CYSLTR1: variants seen among roughly 807,000 people sequenced by gnomAD.
The protein encoded by CYSLTR1 is G-protein coupled receptor HG55.
CYSLTR1 carries 1 observed loss-of-function variant against 2.1 expected under a neutral mutation model. The observed-to-expected ratio is 0.48, with a 90% CI of 0.17 to 2.28. The LOEUF (loss-of-function observed/expected upper bound fraction) is 2.28, where lower values mean the gene tolerates loss of function less well. Ranked by LOEUF, CYSLTR1 falls within the 30% of genes most tolerant of loss-of-function variation. The pLI, the probability that CYSLTR1 is intolerant of heterozygous loss-of-function variation, is 0.26. For synonymous variants in CYSLTR1, 110 were observed against 89.6 expected, an observed-to-expected ratio of 1.23 and a Z score of -1.28; for missense variants, 299 against 250.1, an observed-to-expected ratio of 1.20 and a Z score of -1.32.
chrX:78,294,311 A>G (rs1922483034), intron 1 of CYSLTR1, among the ~76,000 whole-genome samples: 1 of 112,610 alleles, frequency 8.9e-6, no homozygotes, highest in Non-Finnish European at 1.9e-5. Context: ...CAAATATTGC[A>G]GAACAGCAAA....
chrX:78,306,597 A>C (rs1444372276), intron 1 of CYSLTR1, among the ~76,000 whole-genome samples: 1 of 111,975 alleles, frequency 8.9e-6, no homozygotes, highest in African/African-American at 3.2e-5. Flanking sequence ...TTAATTTTCT[A>C]ATGAAGCAAA....
chrX:78,308,777 T>C (rs1923120089), intron 1 of CYSLTR1, among the ~76,000 whole-genome samples: 1 of 111,906 alleles, frequency 8.9e-6, no homozygotes, highest in Non-Finnish European at 1.9e-5. Flanking sequence ...GGAGCAGGTT[T>C]CACTCATCTT....
At chrX:78,313,943 T>A (rs1301418988) in intron 1 of CYSLTR1, among the ~76,000 whole-genome samples, 1 of 111,620 alleles carries the variant, frequency 9.0e-6, no homozygotes, top group Non-Finnish European at 1.9e-5. Flanking sequence ...TTTTGCATTA[T>A]GGTAGAAAAG....
chrX:78,277,742 A>G (rs1011162007), intron 2 of CYSLTR1, among the ~76,000 whole-genome samples: 9 of 111,841 alleles, frequency 8.0e-5, no homozygotes, highest in African/African-American at 2.6e-4. Context: ...CCTCAAGGGC[A>G]TCAAATAATA....
At chrX:78,283,239 T>G (rs1252367669) in intron 2 of CYSLTR1, among the ~76,000 whole-genome samples, 1 of 112,236 alleles carries the variant, frequency 8.9e-6, no homozygotes, top group Non-Finnish European at 1.9e-5. Context: ...CAGCTCATTT[T>G]CTAGTGGGGG....
rs959802500 is a variant in CYSLTR1, at chrX:78,277,946, T to C, written c.-27-4173A>G. On this transcript the variant is annotated intron_variant, in intron 2 of 2. Coordinates refer to ENST00000373304, the MANE Select transcript of CYSLTR1 (RefSeq NM_006639.4). ...ATTGAAATAGTTGAAATGACAGACA[T>C]AGAATTCAAAAATCTGTATGGCAAC... 1.4e-4 allele frequency among the ~76,000 whole-genome samples: 16 copies of C among 111,489 alleles called. No homozygotes were observed. The South Asian group carries it at 1.5e-3, about 10-fold the overall frequency.
chrX:78,300,646 G>A (rs752817617), intron 1 of CYSLTR1, among the ~76,000 whole-genome samples: 16 of 112,529 alleles, frequency 1.4e-4, no homozygotes, highest in African/African-American at 4.5e-4. Context: ...ATATAGTTTG[G>A]CTGTGTTGCC....
At chrX:78,275,790 T>C (rs1015492486) in intron 2 of CYSLTR1, among the ~76,000 whole-genome samples, 4 of 111,528 alleles carry the variant, frequency 3.6e-5, no homozygotes, top group African/African-American at 9.8e-5. Flanking sequence ...CTTGGTAATA[T>C]CTGTTGAGTG....
chrX:78,291,934 A>T (rs867091951), intron 1 of CYSLTR1, among the ~76,000 whole-genome samples: 5 of 106,841 alleles, frequency 4.7e-5, no homozygotes, highest in Non-Finnish European at 9.6e-5. Context: ...GGATTCATTG[A>T]TTTTTTTGAA....
chrX:78,273,524 T>C lies in CYSLTR1; in HGVS notation c.223A>G (p.Thr75Ala). Reference sequence around the variant, plus strand: ...TAATAGACCACACGGAGAGGCAGTGTGCACACACAAAGTAGATCTGCTACT... The same window carrying C: ...TAATAGACCACACGGAGAGGCAGTGCGCACACACAAAGTAGATCTGCTACT... ...LAVADLLCVCTLPLRVVYYVH... is the reference protein window; with the variant it reads ...LAVADLLCVCALPLRVVYYVH... The change falls in exon 3 of 3, where the codon ACA becomes GCA. Residue 75 changes from threonine (T) to alanine (A), a missense_variant. Thr to Ala is a moderately conservative substitution (Grantham distance 58). Coordinates refer to ENST00000373304, the MANE Select transcript of CYSLTR1 (RefSeq NM_006639.4). The C allele has an allele frequency of 8.3e-7, 1 of 1,211,826 alleles. No homozygotes were observed. Among genetic ancestry groups the C allele is most frequent in the Non-Finnish European group, 1.1e-6 (1 of 895,531 alleles).
At position 78,281,144 on chromosome X, in the gene CYSLTR1, C is replaced by T. The variant is rs775553157; in HGVS notation, c.-28+2310G>A. ...TGGAATGATAGTTCTATTTTTAGCT[C>T]TTTGAGGAATTGCCACACTACTTTC... On this transcript the variant is annotated intron_variant, in intron 2 of 2. Coordinates refer to ENST00000373304, the MANE Select transcript of CYSLTR1 (RefSeq NM_006639.4). Among the ~76,000 whole-genome samples the T allele has an allele frequency of 8.6e-4, 95 of 111,057 alleles. 1 individual carries two copies. Among genetic ancestry groups the T allele is most frequent in the African/African-American group, 3.1e-3 (95 of 30,589 alleles).
chrX:78,299,054 A>T (rs1922701469), intron 1 of CYSLTR1, among the ~76,000 whole-genome samples: 2 of 110,642 alleles, frequency 1.8e-5, no homozygotes, highest in South Asian at 7.5e-4. Flanking sequence ...GTTTGGTTTG[A>T]GGTTACCATG....
At position 78,293,705 on chromosome X, in the gene CYSLTR1, TCTTCTTG is replaced by T. The variant is rs768621699; in HGVS notation, c.-114-10172_-114-10166del. Among the ~76,000 whole-genome samples, 10 of 111,695 alleles carry T rather than the reference TCTTCTTG, an allele frequency of 9.0e-5. 1 individual carries two copies. The East Asian group carries it at 2.8e-3, about 31-fold the overall frequency. ...TTTACCCTTTTTTTCTCTAAACTTC[TCTTCTTG>T]CTTCATTTCATTCATTTGATCTTCA... On this transcript the variant is annotated intron_variant, in intron 1 of 2. Transcript: ENST00000373304.
intron 1 of CYSLTR1, among the ~76,000 whole-genome samples, chrX:78,309,209 A>G (rs1004108444): frequency 9.0e-6 from 1 of 111,308 alleles, no homozygotes; most frequent in African/African-American, 3.3e-5. Context: ...ATAAGTGTGC[A>G]AAGTATATCA....
intron 1 of CYSLTR1, among the ~76,000 whole-genome samples, chrX:78,290,325 C>T (rs183344996): frequency 3.7e-4 from 41 of 111,287 alleles, no homozygotes; most frequent in Admixed American, 2.0e-3. Context: ...GTCTGTATAC[C>T]TGTTTTGGTA....
At chrX:78,284,392 T>A (rs921089594) in intron 1 of CYSLTR1, among the ~76,000 whole-genome samples, 7 of 111,406 alleles carry the variant, frequency 6.3e-5, no homozygotes, top group Non-Finnish European at 1.1e-4. Flanking sequence ...TTTTTTAAAA[T>A]TTTTAAAATT....
At chrX:78,319,192 C>T (rs1370337106) in intron 1 of CYSLTR1, 1 of 108,381 alleles carries the variant, frequency 9.2e-6, no homozygotes, top group Non-Finnish European at 1.9e-5. Flanking sequence ...TATACATGTG[C>T]CATGTTGGTG....
intron 1 of CYSLTR1, among the ~76,000 whole-genome samples, chrX:78,317,699 C>T (rs1311389124): frequency 8.9e-6 from 1 of 112,002 alleles, no homozygotes; most frequent in African/African-American, 3.2e-5. Flanking sequence ...GAGTTGGAGA[C>T]CATTATTCTA....
chrX:78,319,525 T>A (rs1318959714), intron 1 of CYSLTR1: 4 of 110,438 alleles, frequency 3.6e-5, no homozygotes, highest in Non-Finnish European at 7.6e-5. Context: ...TGTTGGACAT[T>A]TGGGTTGGTT....
Sources: allele counts gnomAD v4.1 joint callset (sites outside exome capture counted in the v4.1 genomes callset), GRCh38; gene constraint gnomAD v4.1.1; transcripts MANE v1.5; gene names NCBI Gene and HGNC (gene_info 2026-07-23, HGNC 2026-07-21).